Variants in GRID1 observed in about 807,000 individuals in gnomAD.
GRID1 encodes glutamate ionotropic receptor delta type subunit 1, also known as glutamate receptor ionotropic, delta-1.
Under a neutral mutation model 98.0 loss-of-function variants are expected in GRID1, and 28 were observed. The ratio of observed to expected loss-of-function variants is 0.29; its 90% confidence interval spans 0.21 to 0.39. GRID1 has a LOEUF of 0.39. Among genes scored for constraint, GRID1 ranks in the 10% least tolerant of loss-of-function variants. The pLI is 1.00. For missense variants in GRID1, 1,111 were observed against 1,340.5 expected, an observed-to-expected ratio of 0.83 and a Z score of 2.67; for synonymous variants, 553 against 538.5, an observed-to-expected ratio of 1.03 and a Z score of -0.37.
intron 3 of GRID1, among the ~76,000 whole-genome samples, chr10:86,181,393 G>C (rs1187399760): frequency 6.6e-6 from 1 of 152,202 alleles, no homozygotes; most frequent in African/African-American, 2.4e-5. Context: ...AATGCAGGTA[G>C]GTTGCCTCTT....
intron 8 of GRID1, among the ~76,000 whole-genome samples, chr10:85,808,786 A>AT (rs1188694287): frequency 1.8e-4 from 28 of 152,310 alleles, no homozygotes; most frequent in African/African-American, 6.5e-4. Flanking sequence ...TAAACCAAAG[A>AT]TGGTACAACG....
chr10:85,873,752 C>T (rs534063020), intron 5 of GRID1, among the ~76,000 whole-genome samples: 10 of 152,294 alleles, frequency 6.6e-5, no homozygotes, highest in South Asian at 4.1e-4. Flanking sequence ...TGTTCTAACA[C>T]GCTGTTTCTC....
At chr10:85,720,194 AT>A (rs1841684469) in intron 12 of GRID1, among the ~76,000 whole-genome samples, 1 of 152,202 alleles carries the variant, frequency 6.6e-6, no homozygotes. Flanking sequence ...ATACTTTGTT[AT>A]TTATTAATTA....
chr10:86,086,902 G>A (rs922907015), intron 4 of GRID1, among the ~76,000 whole-genome samples: 1 of 152,166 alleles, frequency 6.6e-6, no homozygotes, highest in African/African-American at 2.4e-5. Flanking sequence ...ATTCCACAGG[G>A]CCTGCAGTTG....
At chr10:85,642,580 C>T in intron 13 of GRID1, among the ~76,000 whole-genome samples, 1 of 152,182 alleles carries the variant, frequency 6.6e-6, no homozygotes, top group East Asian at 1.9e-4. Context: ...AGGAACAATC[C>T]TGTATTTATT....
intron 2 of GRID1, among the ~76,000 whole-genome samples, chr10:86,293,517 A>T (rs1440789176): frequency 6.6e-6 from 1 of 152,204 alleles, no homozygotes; most frequent in Non-Finnish European, 1.5e-5. Flanking sequence ...TTTACATGTT[A>T]AAGACTTTTT....
chr10:86,337,474 C>T (rs1415775019), intron 2 of GRID1, among the ~76,000 whole-genome samples: 2 of 152,122 alleles, frequency 1.3e-5, no homozygotes, highest in African/African-American at 2.4e-5. Flanking sequence ...AGCCAGCACT[C>T]GGGGAGGCAC....
chr10:85,749,880 C>G (rs1274940605), intron 8 of GRID1, among the ~76,000 whole-genome samples: 1 of 152,204 alleles, frequency 6.6e-6, no homozygotes, highest in Non-Finnish European at 1.5e-5. Context: ...CTACTAAGTC[C>G]TTCTCTGTCC....
chr10:86,027,498 T>C (rs1006251704), intron 4 of GRID1, among the ~76,000 whole-genome samples: 1 of 152,250 alleles, frequency 6.6e-6, no homozygotes, highest in African/African-American at 2.4e-5. Context: ...CATTGAGCAG[T>C]TGACAAATAT....
At chr10:86,219,586 C>G (rs1846223948) in intron 2 of GRID1, among the ~76,000 whole-genome samples, 1 of 152,200 alleles carries the variant, frequency 6.6e-6, no homozygotes, top group Non-Finnish European at 1.5e-5. Context: ...CCCTACAGCC[C>G]TGGTCACGTG....
chr10:86,197,441 C>T (rs555435196), intron 3 of GRID1, among the ~76,000 whole-genome samples: 1 of 152,094 alleles, frequency 6.6e-6, no homozygotes, highest in African/African-American at 2.4e-5. Context: ...TCGCTGGTAC[C>T]CTTCCTGGAA....
intron 10 of GRID1, among the ~76,000 whole-genome samples, chr10:85,727,325 C>T (rs901384876): frequency 7.9e-5 from 12 of 152,140 alleles, no homozygotes; most frequent in Non-Finnish European, 1.8e-4. Context: ...AGAATGGGGA[C>T]ATGGTAAGTT....
At chr10:86,230,177 G>C (rs757753186) in intron 2 of GRID1, among the ~76,000 whole-genome samples, 1 of 152,138 alleles carries the variant, frequency 6.6e-6, no homozygotes, top group Non-Finnish European at 1.5e-5. Flanking sequence ...CCTAAACCTG[G>C]CTTCAGGCCC....
intron 8 of GRID1, among the ~76,000 whole-genome samples, chr10:85,730,443 AG>A (rs966438061): frequency 1.3e-4 from 20 of 152,196 alleles, no homozygotes; most frequent in Non-Finnish European, 2.6e-4. Flanking sequence ...GCAGATACCC[AG>A]CCCCATCTCA....
intron 5 of GRID1, among the ~76,000 whole-genome samples, chr10:85,912,962 T>C (rs1027113290): frequency 6.6e-6 from 1 of 152,194 alleles, no homozygotes; most frequent in Non-Finnish European, 1.5e-5. Context: ...ACAGGACTTT[T>C]GTGTTCAATT....
At chr10:85,989,046 G>T (rs115065089) in intron 4 of GRID1, among the ~76,000 whole-genome samples, 1 of 152,206 alleles carries the variant, frequency 6.6e-6, no homozygotes, top group Non-Finnish European at 1.5e-5. Flanking sequence ...GGCGGATTAC[G>T]CAGGTTTAGG....
intron 4 of GRID1, among the ~76,000 whole-genome samples, chr10:86,108,151 C>T (rs762411328): frequency 3.3e-5 from 5 of 152,166 alleles, no homozygotes; most frequent in South Asian, 2.1e-4. Flanking sequence ...GCCATGGGGT[C>T]GGAGCCCCAC....
chr10:86,272,165 A>T (rs1396015558), intron 2 of GRID1, among the ~76,000 whole-genome samples: 1 of 152,196 alleles, frequency 6.6e-6, no homozygotes, highest in African/African-American at 2.4e-5. Context: ...CTAGATTTTT[A>T]TACCATGAAA....
At chr10:86,189,878 A>G (rs1433215579) in intron 3 of GRID1, among the ~76,000 whole-genome samples, 2 of 151,956 alleles carry the variant, frequency 1.3e-5, no homozygotes, top group Non-Finnish European at 2.9e-5. Context: ...ACAAAGGTCA[A>G]CTCCTAACAT....
Sources: allele counts gnomAD v4.1 joint callset (sites outside exome capture counted in the v4.1 genomes callset), GRCh38; gene constraint gnomAD v4.1.1; transcripts MANE v1.5; gene names NCBI Gene and HGNC (gene_info 2026-07-23, HGNC 2026-07-21).